Variants in CNTNAP2 observed in about 807,000 individuals in gnomAD.
CNTNAP2 encodes contactin-associated protein-like 2.
CNTNAP2 carries 98 observed loss-of-function variants against 155.2 expected under a neutral mutation model. That is an observed-to-expected ratio of 0.63 (90% CI 0.54 to 0.75). The LOEUF (loss-of-function observed/expected upper bound fraction) is 0.75, where lower values mean the gene tolerates loss of function less well. Among genes scored for constraint, CNTNAP2 ranks in the 30% least tolerant of loss-of-function variants. CNTNAP2 has a pLI of 0.00. For synonymous variants in CNTNAP2, 651 were observed against 631.2 expected (o/e 1.03, Z -0.47); for missense variants, 1,727 against 1,688.1 (o/e 1.02, Z -0.40).
intron 1 of CNTNAP2, among the ~76,000 whole-genome samples, chr7:146,574,254 G>T (rs961315198): frequency 2.0e-5 from 3 of 152,154 alleles, no homozygotes; most frequent in Non-Finnish European, 4.4e-5. Flanking sequence ...AGAATTCTGT[G>T]ATGAGTTGTA....
At position 147,277,648 on chromosome 7, in the gene CNTNAP2, G is replaced by A. The variant is rs150076992; in HGVS notation, c.1349-22493G>A. On this transcript the variant is annotated intron_variant, in intron 8 of 23. Coordinates refer to ENST00000361727, the MANE Select transcript of CNTNAP2 (RefSeq NM_014141.6). ...TTATAAGCATATTTGTGGGGATGCT[G>A]TACACTAGAAAGTACCATGATTTAC... 3.2e-3 allele frequency among the ~76,000 whole-genome samples: 493 copies of A among 151,730 alleles called. 3 individuals are homozygous for A. The highest frequency in any genetic ancestry group is 0.011 in the African/African-American group (475 of 41,428).
intron 1 of CNTNAP2, among the ~76,000 whole-genome samples, chr7:146,620,501 G>C (rs1030123815): frequency 1.3e-5 from 2 of 152,232 alleles, no homozygotes; most frequent in Non-Finnish European, 2.9e-5. Flanking sequence ...ACTGAGGGAG[G>C]TTAATCAGTA....
At chr7:147,539,919 A>G (rs562859104) in intron 11 of CNTNAP2, among the ~76,000 whole-genome samples, 1 of 152,228 alleles carries the variant, frequency 6.6e-6, no homozygotes, top group East Asian at 1.9e-4. Context: ...TCTACTGTTA[A>G]CTCTCTCATG....
chr7:147,134,640 TA>T (rs767219379), intron 8 of CNTNAP2, among the ~76,000 whole-genome samples: 2 of 151,908 alleles, frequency 1.3e-5, no homozygotes, highest in African/African-American at 2.4e-5. Flanking sequence ...TCATTCAATC[TA>T]AAAGTACATA....
chr7:147,022,605 A>G lies in CNTNAP2; in HGVS notation c.403-21302A>G, dbSNP rs754606190. On this transcript the variant is annotated intron_variant, in intron 3 of 23. Coordinates refer to ENST00000361727, the MANE Select transcript of CNTNAP2 (RefSeq NM_014141.6). ...ACTATATATACACATACACAAACAC[A>G]TGGTTTTTTTTTTTTTATTACTAAC... is the stretch of plus-strand genomic sequence containing the variant. Among the ~76,000 whole-genome samples, 3 of 109,300 alleles carry G rather than the reference A, an allele frequency of 2.7e-5. No individual in the cohort carries two copies. The East Asian group carries it at 7.6e-4, about 28-fold the overall frequency. The allele number at this position is 109,300 out of a possible 152,430, so 71.7% of individuals were successfully genotyped here. A position where few individuals can be genotyped will look rare whatever the true frequency, so the allele number is the denominator to read the frequency against.
At chr7:147,063,681 C>A (rs2129263289) in intron 4 of CNTNAP2, among the ~76,000 whole-genome samples, 1 of 152,132 alleles carries the variant, frequency 6.6e-6, no homozygotes. Flanking sequence ...TAAAGTCCAG[C>A]AAAATGACTT....
intron 13 of CNTNAP2, among the ~76,000 whole-genome samples, chr7:147,787,451 T>C (rs1420455359): frequency 6.6e-6 from 1 of 152,244 alleles, no homozygotes; most frequent in Non-Finnish European, 1.5e-5. Context: ...TAATTCTGTT[T>C]GAAGCGATTC....
At chr7:146,218,232 G>A (rs1483002163) in intron 1 of CNTNAP2, among the ~76,000 whole-genome samples, 3 of 152,196 alleles carry the variant, frequency 2.0e-5, no homozygotes, top group Admixed American at 6.5e-5. Context: ...GCCATCGGCC[G>A]GGCGCGGTGG....
chr7:147,994,425 G>A (rs1436282484), intron 15 of CNTNAP2, among the ~76,000 whole-genome samples: 4 of 150,722 alleles, frequency 2.7e-5, no homozygotes, highest in African/African-American at 9.8e-5. Flanking sequence ...TTTAACCCAA[G>A]GTAATATGGT....
chr7:146,439,584 G>T (rs1005920169), intron 1 of CNTNAP2, among the ~76,000 whole-genome samples: 2 of 151,304 alleles, frequency 1.3e-5, no homozygotes, highest in Admixed American at 6.6e-5. Flanking sequence ...ATTTCCAGAA[G>T]CCCCCAAACA....
intron 14 of CNTNAP2, among the ~76,000 whole-genome samples, chr7:147,944,016 A>G (rs1469464889): frequency 6.6e-6 from 1 of 152,136 alleles, no homozygotes; most frequent in African/African-American, 2.4e-5. Flanking sequence ...GAGTGGTTCA[A>G]ATGAATGCTT....
chr7:147,834,607 T>A (rs953976019), intron 13 of CNTNAP2, among the ~76,000 whole-genome samples: 3 of 152,156 alleles, frequency 2.0e-5, no homozygotes, highest in African/African-American at 7.2e-5. Context: ...AATGGATCCA[T>A]CTCCCACCTT....
At chr7:148,135,379 G>A (rs1804915535) in intron 16 of CNTNAP2, among the ~76,000 whole-genome samples, 1 of 152,080 alleles carries the variant, frequency 6.6e-6, no homozygotes, top group South Asian at 2.1e-4. Context: ...CTTGCTGTTG[G>A]GCTTAACTTT....
At chr7:146,562,486 A>G (rs1426389797) in intron 1 of CNTNAP2, among the ~76,000 whole-genome samples, 1 of 152,162 alleles carries the variant, frequency 6.6e-6, no homozygotes, top group Non-Finnish European at 1.5e-5. Context: ...TGAGCAAGGA[A>G]CAACATGACG....
chr7:147,076,919 G>A (rs1032107386), intron 4 of CNTNAP2, among the ~76,000 whole-genome samples: 1 of 152,074 alleles, frequency 6.6e-6, no homozygotes, highest in African/African-American at 2.4e-5. Flanking sequence ...TTTAATGGAC[G>A]TTGCTACAAA....
chr7:147,565,370 C>T (rs573748045), intron 12 of CNTNAP2, among the ~76,000 whole-genome samples: 213 of 151,752 alleles, frequency 1.4e-3, no homozygotes, highest in Middle Eastern at 3.4e-3. Context: ...GAAAAAAGTG[C>T]GCTTTTTTTT....
At chr7:148,352,495 C>T (rs375686806) in intron 21 of CNTNAP2, among the ~76,000 whole-genome samples, 5 of 152,194 alleles carry the variant, frequency 3.3e-5, no homozygotes, top group Admixed American at 6.5e-5. Context: ...AAAAGATAGA[C>T]GTGAAACCAG....
At chr7:146,425,815 T>G (rs1796078633) in intron 1 of CNTNAP2, among the ~76,000 whole-genome samples, 1 of 152,092 alleles carries the variant, frequency 6.6e-6, no homozygotes, top group Admixed American at 6.5e-5. Context: ...GATTATTGTC[T>G]TCCACCTTTT....
intron 3 of CNTNAP2, among the ~76,000 whole-genome samples, chr7:146,874,795 C>T (rs1001166115): frequency 1.3e-5 from 2 of 152,180 alleles, no homozygotes; most frequent in Admixed American, 6.6e-5. Context: ...CATTCTGCTT[C>T]TGTGGCATTA....
Sources: gnomAD v4.1 joint callset for allele counts (sites outside exome capture counted in the v4.1 genomes callset) on GRCh38, gnomAD v4.1.1 for gene constraint, MANE v1.5 for transcripts, NCBI Gene and HGNC (gene_info 2026-07-23, HGNC 2026-07-21) for gene names.